RAB38: variants seen among roughly 807,000 people sequenced by gnomAD.
RAB38 encodes the protein ras-related protein Rab-38.
In RAB38, 15 loss-of-function variants were observed where a neutral mutation model predicts 18.4. That is an observed-to-expected ratio of 0.82 (90% CI 0.55 to 1.26). RAB38 has a LOEUF of 1.26. Ranked by LOEUF, RAB38 falls within the 50% of genes most tolerant of loss-of-function variation. The probability of loss-of-function intolerance (pLI) is 0.00; values close to 1 mark genes in which losing one functional copy is unlikely to be tolerated. For missense variants in RAB38, 294 were observed against 267.4 expected, an observed-to-expected ratio of 1.10 and a Z score of -0.69; for synonymous variants, 101 against 104.4, an observed-to-expected ratio of 0.97 and a Z score of 0.20.
chr11:88,063,952 T>C, the RAB38 span, among the ~76,000 whole-genome samples: 1 of 152,224 alleles, frequency 6.6e-6, no homozygotes, highest in Admixed American at 6.5e-5. Context: ...ATATGCTTAG[T>C]GGGATTTCAC....
chr11:88,071,341 T>C, the RAB38 span, among the ~76,000 whole-genome samples: 1 of 151,706 alleles, frequency 6.6e-6, no homozygotes, highest in Non-Finnish European at 1.5e-5. Context: ...TGATGTACGG[T>C]GGAGGAATGG....
chr11:87,820,350 A>G, the RAB38 span, among the ~76,000 whole-genome samples: 3 of 152,208 alleles, frequency 2.0e-5, no homozygotes, highest in South Asian at 6.2e-4. Context: ...AAACAAACCA[A>G]TAAAATCTTT....
chr11:87,946,043 A>ACATG, the RAB38 span, among the ~76,000 whole-genome samples: 1 of 152,182 alleles, frequency 6.6e-6, no homozygotes, highest in African/African-American at 2.4e-5. Context: ...CCAAGTTCAC[A>ACATG]CATGCCAAAG....
chr11:88,041,531 T>G, the RAB38 span, among the ~76,000 whole-genome samples: 4 of 152,342 alleles, frequency 2.6e-5, no homozygotes, highest in African/African-American at 9.6e-5. Flanking sequence ...ACGAGTAAAC[T>G]TTTTATAGGT....
chr11:88,111,187 T>A (rs763973277), downstream of RAB38, among the ~76,000 whole-genome samples: 1 of 152,178 alleles, frequency 6.6e-6, no homozygotes, highest in Non-Finnish European at 1.5e-5. Flanking sequence ...CCTGAGAGTA[T>A]GAGTCCCTGA....
intron 1 of RAB38, among the ~76,000 whole-genome samples, chr11:88,174,640 AACAAAAC>A (rs748907779): frequency 7.8e-6 from 1 of 127,928 alleles, no homozygotes; most frequent in Non-Finnish European, 1.7e-5. Context: ...AAAAAAAAAA[AACAAAAC>A]AAAAACCCTC....
At chr11:87,927,621 A>G in the RAB38 span, among the ~76,000 whole-genome samples, 1 of 152,020 alleles carries the variant, frequency 6.6e-6, no homozygotes, top group African/African-American at 2.4e-5. Flanking sequence ...ATAACCTAGT[A>G]TACTAGTATA....
chr11:88,174,646 A>C (rs898816470), intron 1 of RAB38, among the ~76,000 whole-genome samples: 5 of 150,930 alleles, frequency 3.3e-5, no homozygotes, highest in African/African-American at 4.9e-5. Context: ...AAAAAACAAA[A>C]CAAAAACCCT....
the RAB38 span, among the ~76,000 whole-genome samples, chr11:87,875,301 A>G: frequency 6.6e-6 from 1 of 151,506 alleles, no homozygotes; most frequent in Non-Finnish European, 1.5e-5. Context: ...GTATGCAATT[A>G]TGATTTATCA....
At chr11:88,018,269 A>C in the RAB38 span, among the ~76,000 whole-genome samples, 1 of 152,220 alleles carries the variant, frequency 6.6e-6, no homozygotes, top group East Asian at 1.9e-4. Flanking sequence ...TATTATCAAA[A>C]GTCAACTCTT....
chr11:88,128,547 C>A (rs181366224), intron 2 of RAB38, among the ~76,000 whole-genome samples: 6 of 152,316 alleles, frequency 3.9e-5, no homozygotes, highest in Admixed American at 3.9e-4. Context: ...ACTCAGGTTA[C>A]TCCAGGAACT....
At chr11:88,047,234 C>T in the RAB38 span, among the ~76,000 whole-genome samples, 1 of 152,158 alleles carries the variant, frequency 6.6e-6, no homozygotes, top group African/African-American at 2.4e-5. Flanking sequence ...TGTTCCTGGC[C>T]TGGACTTCAA....
the RAB38 span, among the ~76,000 whole-genome samples, chr11:87,905,793 G>C: frequency 6.6e-6 from 1 of 151,898 alleles, no homozygotes; most frequent in South Asian, 2.1e-4. Context: ...CTAAATAGGA[G>C]TCTTATGTAG....
chr11:88,009,983 A>G, the RAB38 span, among the ~76,000 whole-genome samples: 1 of 152,222 alleles, frequency 6.6e-6, no homozygotes, highest in African/African-American at 2.4e-5. Flanking sequence ...TGTTTCAAAT[A>G]CACCTTATAC....
the RAB38 span, among the ~76,000 whole-genome samples, chr11:87,847,078 A>G: frequency 3.9e-5 from 6 of 152,070 alleles, no homozygotes; most frequent in Non-Finnish European, 7.4e-5. Flanking sequence ...AGAAAGATCT[A>G]AAGTTCATAA....
At chr11:87,846,858 C>T in the RAB38 span, among the ~76,000 whole-genome samples, 1 of 151,954 alleles carries the variant, frequency 6.6e-6, no homozygotes, top group Non-Finnish European at 1.5e-5. Flanking sequence ...AGGGGAATTA[C>T]ATTAGAACCA....
the RAB38 span, among the ~76,000 whole-genome samples, chr11:88,031,831 T>A: frequency 1.3e-5 from 2 of 152,326 alleles, no homozygotes; most frequent in South Asian, 4.1e-4. Context: ...TTCAATACCA[T>A]TCCCATGAAG....
intron 2 of RAB38, among the ~76,000 whole-genome samples, chr11:88,139,216 T>G (rs2134809115): frequency 6.6e-6 from 1 of 152,352 alleles, no homozygotes; most frequent in South Asian, 2.1e-4. Context: ...AGCTTGTTTT[T>G]GCTTTCTAAA....
intron 2 of RAB38, among the ~76,000 whole-genome samples, chr11:88,132,453 T>C (rs1044136831): frequency 5.3e-5 from 8 of 152,152 alleles, no homozygotes; most frequent in Non-Finnish European, 1.2e-4. Context: ...CTGAAATAGA[T>C]GTTTTACTTT....
Sources: allele counts gnomAD v4.1 joint callset (sites outside exome capture counted in the v4.1 genomes callset), GRCh38; gene constraint gnomAD v4.1.1; transcripts MANE v1.5; gene names NCBI Gene and HGNC (gene_info 2026-07-23, HGNC 2026-07-21).